The following SNRPN variants were observed in gnomAD, a reference collection of about 807,000 sequenced individuals.
SNRPN encodes small nuclear ribonucleoprotein-associated protein N.
In SNRPN, 7 loss-of-function variants were observed where a neutral mutation model predicts 25.2. That is an observed-to-expected ratio of 0.28 (90% CI 0.16 to 0.52). The LOEUF (loss-of-function observed/expected upper bound fraction) is 0.52, where lower values mean the gene tolerates loss of function less well. Among genes scored for constraint, SNRPN ranks in the 20% least tolerant of loss-of-function variants. SNRPN has a pLI of 0.96. For missense variants in SNRPN, 196 were observed against 322.5 expected, an observed-to-expected ratio of 0.61 and a Z score of 3.00; for synonymous variants, 124 against 110.6, an observed-to-expected ratio of 1.12 and a Z score of -0.76.
intron 3 of SNRPN, chr15:24,921,016 C>T (rs2059994734): frequency 6.6e-6 from 1 of 152,172 alleles, no homozygotes; most frequent in Non-Finnish European, 1.5e-5. Flanking sequence ...TTTCCATCCA[C>T]TTCAGCCCAT....
At chr15:24,977,981 GAC>G (rs2077258718) in intron 8 of SNRPN, 65 bp downstream of exon 8, 1 of 1,435,268 alleles carries the variant, frequency 7.0e-7, no homozygotes, top group Non-Finnish European at 9.4e-7. Context: ...ACTGATTTAA[GAC>G]ACAGCCTGAG....
chr15:24,903,089 GA>G (rs2058573893), intron 2 of SNRPN, among the ~76,000 whole-genome samples: 6 of 152,168 alleles, frequency 3.9e-5, no homozygotes. Flanking sequence ...TAGGTAGACA[GA>G]AAAGTTTTCC....
At chr15:24,895,685 C>T (rs778346145) in intron 2 of SNRPN, among the ~76,000 whole-genome samples, 2 of 152,088 alleles carry the variant, frequency 1.3e-5, no homozygotes, top group African/African-American at 2.4e-5. Context: ...AACGTTCTGC[C>T]GTTACAAAGG....
chr15:24,887,848 A>G (rs991083267), intron 2 of SNRPN, among the ~76,000 whole-genome samples: 1 of 152,006 alleles, frequency 6.6e-6, no homozygotes, highest in Non-Finnish European at 1.5e-5. Context: ...CAAGAGGGAT[A>G]GGGTCTGGGA....
chr15:24,943,380 T>C (rs1313678798), intron 3 of SNRPN, among the ~76,000 whole-genome samples: 1 of 152,118 alleles, frequency 6.6e-6, no homozygotes, highest in African/African-American at 2.4e-5. Context: ...CTGAGTCTTC[T>C]CTTTTTCCAT....
At chr15:24,973,351 A>G (rs1438438982) in intron 3 of SNRPN, among the ~76,000 whole-genome samples, 1 of 152,130 alleles carries the variant, frequency 6.6e-6, no homozygotes, top group Non-Finnish European at 1.5e-5. Context: ...TGATGAAATC[A>G]CCAAATGCAT....
At chr15:24,957,247 C>A (rs1023894321) in intron 1 of SNRPN, among the ~76,000 whole-genome samples, 91 of 152,202 alleles carry the variant, frequency 6.0e-4, no homozygotes, top group African/African-American at 2.1e-3. Context: ...ATGGCTCTTC[C>A]CGACTAAGGT....
intron 2 of SNRPN, chr15:24,967,134 C>G (rs967720663): frequency 6.6e-6 from 1 of 152,136 alleles, no homozygotes; most frequent in Non-Finnish European, 1.5e-5. Context: ...AAGGATTGTT[C>G]ACACAGGATA....
chr15:24,858,081 T>G (rs979424492), intron 1 of SNRPN, among the ~76,000 whole-genome samples: 22 of 152,148 alleles, frequency 1.4e-4, no homozygotes, highest in Non-Finnish European at 2.9e-4. Flanking sequence ...TGACTGAGCT[T>G]AGGTTTCACA....
At chr15:24,916,717 T>C (rs2059547579) in intron 2 of SNRPN, among the ~76,000 whole-genome samples, 1 of 152,208 alleles carries the variant, frequency 6.6e-6, no homozygotes, top group African/African-American at 2.4e-5. Context: ...TACGCTCGTG[T>C]TTGAAATTTT....
intron 2 of SNRPN, among the ~76,000 whole-genome samples, chr15:24,900,669 CA>C: frequency 1.3e-5 from 2 of 152,176 alleles, no homozygotes; most frequent in South Asian, 4.1e-4. Context: ...CAGCTACATG[CA>C]AAAGGAACTG....
intron 1 of SNRPN, among the ~76,000 whole-genome samples, chr15:24,882,533 GTATCT>G (rs1157293150): frequency 2.0e-5 from 3 of 152,096 alleles, no homozygotes; most frequent in Non-Finnish European, 2.9e-5. Context: ...TAAATTGAAA[GTATCT>G]TAAGTTGGCC....
At chr15:24,943,804 T>C (rs1291735627) in intron 3 of SNRPN, among the ~76,000 whole-genome samples, 1 of 151,896 alleles carries the variant, frequency 6.6e-6, no homozygotes. Flanking sequence ...ACTTCAAGCA[T>C]TATTGGTTCT....
exon 1 of SNRPN, chr15:24,856,570 T>C (rs1404105649): frequency 6.6e-6 from 1 of 152,252 alleles, no homozygotes; most frequent in Non-Finnish European, 1.5e-5. Flanking sequence ...CAGAGCCTTC[T>C]GTGGGGTCTG....
upstream of SNRPN, among the ~76,000 whole-genome samples, chr15:24,951,069 A>G (rs2062232861): frequency 6.6e-6 from 1 of 152,032 alleles, no homozygotes; most frequent in African/African-American, 2.4e-5. Flanking sequence ...CATGTTGGTC[A>G]GGCTGATCAC....
chr15:24,949,836 T>C (rs1412283270), intron 3 of SNRPN, among the ~76,000 whole-genome samples: 1 of 151,694 alleles, frequency 6.6e-6, no homozygotes, highest in Non-Finnish European at 1.5e-5. Flanking sequence ...TTTCTTTCTT[T>C]TTTTTTTTGG....
intron 1 of SNRPN, among the ~76,000 whole-genome samples, chr15:24,874,194 C>T (rs10468155): frequency 0.086 from 12,940 of 150,578 alleles, 1,009 homozygotes; most frequent in African/African-American, 0.21. Context: ...CCTGTAGTCC[C>T]AGCTACTTGG....
At chr15:24,923,909 G>A (rs1439553426) in intron 3 of SNRPN, among the ~76,000 whole-genome samples, 27 of 106,628 alleles carry the variant, frequency 2.5e-4, no homozygotes, top group African/African-American at 9.2e-4. Flanking sequence ...GTGTGTGTGT[G>A]TGTGTATATA....
chr15:24,837,360 G>T (rs2051281828), intron 2 of SNRPN, among the ~76,000 whole-genome samples: 1 of 140,944 alleles, frequency 7.1e-6, no homozygotes, highest in Non-Finnish European at 1.5e-5. Context: ...GCGACTTGAG[G>T]GGGCTACAGA....
Sources: allele counts gnomAD v4.1 joint callset (sites outside exome capture counted in the v4.1 genomes callset), GRCh38; gene constraint gnomAD v4.1.1; transcripts MANE v1.5; gene names NCBI Gene and HGNC (gene_info 2026-07-23, HGNC 2026-07-21).